The following SSH1 variants were observed in gnomAD, a reference collection of about 807,000 sequenced individuals.
SSH1 encodes the protein slingshot protein phosphatase 1, also known as protein phosphatase Slingshot homolog 1.
Under a neutral mutation model 79.7 loss-of-function variants are expected in SSH1, and 43 were observed. That is an observed-to-expected ratio of 0.54 (90% CI 0.42 to 0.70). The LOEUF (loss-of-function observed/expected upper bound fraction) is 0.70. Among genes scored for constraint, SSH1 ranks in the 30% least tolerant of loss-of-function variants. The probability of loss-of-function intolerance (pLI) is 0.00; values close to 1 mark genes in which losing one functional copy is unlikely to be tolerated. For synonymous variants in SSH1, 599 were observed against 538.3 expected (o/e 1.11, Z -1.56); for missense variants, 1,206 against 1,358.8 (o/e 0.89, Z 1.77).
intron 13 of SSH1, among the ~76,000 whole-genome samples, chr12:108,796,303 A>G (rs577732622): frequency 6.6e-6 from 1 of 152,384 alleles, no homozygotes; most frequent in Admixed American, 6.5e-5. Context: ...TAGAGTCTCC[A>G]GAATGCTCTG....
intron 5 of SSH1, among the ~76,000 whole-genome samples, chr12:108,816,105 C>T (rs2037874621): frequency 6.6e-6 from 1 of 152,220 alleles, no homozygotes; most frequent in African/African-American, 2.4e-5. Flanking sequence ...TCGGCTTAGG[C>T]TTCACTCCTG....
intron 9 of SSH1, 138 bp from the exon 10 acceptor site, chr12:108,805,322 T>G: frequency 1.1e-6 from 1 of 896,936 alleles, no homozygotes; most frequent in Non-Finnish European, 1.7e-6. Flanking sequence ...GTAATACATT[T>G]AGATACACGC....
intron 2 of SSH1, among the ~76,000 whole-genome samples, chr12:108,844,737 T>C (rs540530908): frequency 2.1e-4 from 32 of 152,326 alleles, no homozygotes; most frequent in African/African-American, 7.0e-4. Flanking sequence ...GATAACAATC[T>C]GTCATAAGAC....
chr12:108,829,770 G>T (rs2038428500), intron 2 of SSH1, among the ~76,000 whole-genome samples: 1 of 152,158 alleles, frequency 6.6e-6, no homozygotes, highest in South Asian at 2.1e-4. Flanking sequence ...GTCTAATTCG[G>T]AAGGTCTGTG....
chr12:108,817,659 G>A (rs564591489), intron 4 of SSH1, among the ~76,000 whole-genome samples: 5 of 152,296 alleles, frequency 3.3e-5, no homozygotes, highest in African/African-American at 4.8e-5. Context: ...CACCAGGGAC[G>A]CCGCCTGGCT....
intron 2 of SSH1, among the ~76,000 whole-genome samples, chr12:108,836,014 T>TAATATAATCGATTATATTA (rs2038612762): frequency 1.5e-5 from 1 of 66,062 alleles, no homozygotes; most frequent in South Asian, 5.7e-4. Context: ...CGATTATAAC[T>TAATATAATCGATTATATTA]ATATTAATAT....
intron 2 of SSH1, chr12:108,837,063 C>A: frequency 2.3e-6 from 1 of 431,390 alleles, no homozygotes. Flanking sequence ...ACACCCTATT[C>A]TCTACTAAAA....
chr12:108,816,797 A>G (rs984298264), intron 5 of SSH1, among the ~76,000 whole-genome samples: 2 of 131,482 alleles, frequency 1.5e-5, no homozygotes, highest in Admixed American at 8.1e-5. Context: ...CTAAGCAAAC[A>G]GCATAACTTT....
intron 2 of SSH1, among the ~76,000 whole-genome samples, chr12:108,833,337 G>T (rs2038519606): frequency 1.3e-5 from 2 of 152,150 alleles, no homozygotes; most frequent in African/African-American, 4.8e-5. Context: ...GAGGGCAGAA[G>T]GTATAAAGGC....
intron 14 of SSH1, among the ~76,000 whole-genome samples, chr12:108,791,329 C>T (rs2036490271): frequency 6.6e-6 from 1 of 152,140 alleles, no homozygotes; most frequent in Non-Finnish European, 1.5e-5. Context: ...AGGATAGTTT[C>T]CATCTCCTGA....
chr12:108,853,396 C>A (rs1473231098), intron 1 of SSH1: 11 of 968,498 alleles, frequency 1.1e-5, no homozygotes, highest in Non-Finnish European at 1.4e-5. Context: ...ACATACACAC[C>A]CCCCAAACAA....
chr12:108,788,214 C>T lies in SSH1; in HGVS notation c.2924G>A (p.Arg975His), dbSNP rs746770236. The stretch of plus-strand genomic sequence containing the variant: ...CCCCAGCTTGGCAAGAGAGTGTGAG[C>T]GCTTCAGTGGGGAAGAGACGGTGAG... ...AGLTVSSPLK[R>H]SHSLAKLGSL... The change falls in exon 15 of 15, where the codon CGC becomes CAC. Residue 975 changes from arginine (R) to histidine (H), a missense_variant. This residue lies in a region of SSH1 where 709 missense variants were observed against 730.6 expected (regional missense o/e 0.97). Transcript: ENST00000326495. 2.5e-6 allele frequency: 4 copies of T among 1,613,946 alleles called. No individual in the cohort carries two copies. The highest frequency in any genetic ancestry group is 1.1e-5 in the South Asian group (1 of 91,060).
chr12:108,836,204 T>C (rs2038626010), intron 2 of SSH1, among the ~76,000 whole-genome samples: 1 of 151,816 alleles, frequency 6.6e-6, no homozygotes, highest in Non-Finnish European at 1.5e-5. Context: ...GCATCAGAAT[T>C]GAAGGTACCA....
chr12:108,787,959 C>T lies in SSH1; in HGVS notation c.*29G>A. 1 of 1,613,908 alleles carries T rather than the reference C, an allele frequency of 6.2e-7. No individual in the cohort carries two copies. Among genetic ancestry groups the T allele is most frequent in the African/African-American group, 1.3e-5 (1 of 75,046 alleles). ...TGAGGGAGGGATCATATGAAAATAT[C>T]CGCCCAGCCTGACGCAGCAAAAGGC... On this transcript the variant is annotated 3_prime_UTR_variant, in exon 15 of 15. Transcript: ENST00000326495.
At chr12:108,791,095 T>C (rs1187754189) in intron 14 of SSH1, among the ~76,000 whole-genome samples, 4 of 152,148 alleles carry the variant, frequency 2.6e-5, no homozygotes, top group African/African-American at 7.2e-5. Flanking sequence ...CTTGACAACG[T>C]TGGGAAATTA....
intron 2 of SSH1, among the ~76,000 whole-genome samples, chr12:108,838,075 T>C (rs2052411): frequency 0.38 from 57,772 of 151,962 alleles, 11,109 homozygotes; most frequent in South Asian, 0.47. Context: ...TGAGCCACCA[T>C]ACCCAGCCAA....
At chr12:108,801,866 C>T (rs950866164) in intron 11 of SSH1, among the ~76,000 whole-genome samples, 25 of 152,016 alleles carry the variant, frequency 1.6e-4, no homozygotes, top group Admixed American at 7.2e-4. Context: ...CGTAAAGTTG[C>T]AAGATTCCCA....
intron 2 of SSH1, among the ~76,000 whole-genome samples, chr12:108,833,237 A>G (rs2038516838): frequency 6.6e-6 from 1 of 151,150 alleles, no homozygotes; most frequent in African/African-American, 2.4e-5. Flanking sequence ...TTCCCTGATG[A>G]CCCCAAGAGC....
At chr12:108,800,690 C>T (rs753653809) in intron 12 of SSH1, 90 bp downstream of exon 12, 32 of 1,543,774 alleles carry the variant, frequency 2.1e-5, no homozygotes, top group African/African-American at 5.4e-5. Flanking sequence ...TCCCACCAGC[C>T]GACTTCTGCA....
Sources: allele counts gnomAD v4.1 joint callset (sites outside exome capture counted in the v4.1 genomes callset), GRCh38; gene constraint gnomAD v4.1.1; regional missense constraint gnomAD v4.1.1; transcripts MANE v1.5; gene names NCBI Gene and HGNC (gene_info 2026-07-23, HGNC 2026-07-21).